PARP12: variants seen among roughly 807,000 people sequenced by gnomAD.
PARP12 encodes protein mono-ADP-ribosyltransferase PARP12.
In PARP12, 59 loss-of-function variants were observed where a neutral mutation model predicts 72.4. That is an observed-to-expected ratio of 0.81 (90% CI 0.66 to 1.01). PARP12 has a LOEUF of 1.01. Among genes scored for constraint, PARP12 ranks in the 50% least tolerant of loss-of-function variants. The probability of loss-of-function intolerance (pLI) is 0.00; values close to 1 mark genes in which losing one functional copy is unlikely to be tolerated. For missense variants in PARP12, 851 were observed against 914.0 expected (o/e 0.93, Z 0.89); for synonymous variants, 403 against 371.4 (o/e 1.09, Z -0.98).
chr7:140,036,415 A>C (rs1412187639), intron 7 of PARP12, among the ~76,000 whole-genome samples: 2 of 152,136 alleles, frequency 1.3e-5, no homozygotes, highest in Non-Finnish European at 2.9e-5. Flanking sequence ...GTGGAAAGCA[A>C]ACCAGACCAC....
intron 8 of PARP12, chr7:140,033,429 C>A: frequency 2.0e-6 from 2 of 985,438 alleles, no homozygotes; most frequent in Non-Finnish European, 2.4e-6. Flanking sequence ...ACAGAAGGTG[C>A]AGCCAGCTAC....
chr7:140,041,661 G>A lies in PARP12; in HGVS notation c.1165C>T (p.Gln389Ter). 1.2e-6 allele frequency: 2 copies of A among 1,613,766 alleles called. No homozygotes were observed. Among genetic ancestry groups the A allele is most frequent in the Non-Finnish European group, 1.7e-6 (2 of 1,179,860 alleles). ...ACACTTACCTGTCTTCCATATTCCT[G>A]CCAAGAACCAAACTCATCACTCCAG... is the stretch of plus-strand genomic sequence containing the variant. ...WYWSDEFGSW[Q>*]EYGRQGTVHP... The change falls in exon 6 of 12, where the codon CAG (glutamine) becomes TAG (stop). Residue 389 changes from glutamine (Q) to a stop codon, truncating the protein, a stop_gained. Transcript: ENST00000263549. LOFTEE classifies it high-confidence loss of function.
chr7:140,051,727 G>C (rs1159455324), intron 4 of PARP12, among the ~76,000 whole-genome samples: 1 of 152,132 alleles, frequency 6.6e-6, no homozygotes, highest in Non-Finnish European at 1.5e-5. Flanking sequence ...AAAGAAGTCA[G>C]AAAGAGCCAA....
In PARP12 at chr7:140,058,072, A is replaced by G. The variant is rs756146263; in HGVS notation, c.327-38T>C. Reference sequence around the variant, plus strand: ...AGAGCTGGTGTTATATGTCGAATTGAGTCTCCTCAAAATTTCTATGTTGGA... The same window carrying G: ...AGAGCTGGTGTTATATGTCGAATTGGGTCTCCTCAAAATTTCTATGTTGGA... On this transcript the variant is annotated intron_variant, in intron 1 of 11. Coordinates refer to ENST00000263549, the MANE Select transcript of PARP12 (RefSeq NM_022750.4). 5.6e-6 allele frequency: 9 copies of G among 1,611,558 alleles called. No homozygotes were observed. In the East Asian group the frequency reaches 1.6e-4, roughly 28 times the overall value.
chr7:140,051,711 A>C (rs1026370514), intron 4 of PARP12, among the ~76,000 whole-genome samples: 1 of 152,178 alleles, frequency 6.6e-6, no homozygotes, highest in African/African-American at 2.4e-5. Flanking sequence ...TAAGATTAGA[A>C]AACAAAAAGA....
intron 7 of PARP12, 152 bp downstream of exon 7, chr7:140,037,563 G>C: frequency 9.7e-7 from 1 of 1,027,146 alleles, no homozygotes; most frequent in South Asian, 1.7e-5. Flanking sequence ...AGTGTCATCT[G>C]TCTCCAGGTC....
At chr7:140,028,330 T>TA (rs1448487491) in intron 9 of PARP12, among the ~76,000 whole-genome samples, 13 of 152,266 alleles carry the variant, frequency 8.5e-5, no homozygotes, top group African/African-American at 2.9e-4. Context: ...GCCCAGCCCA[T>TA]AAACTCATTT....
intron 8 of PARP12, among the ~76,000 whole-genome samples, chr7:140,029,910 C>A (rs1467914183): frequency 6.6e-6 from 1 of 152,094 alleles, no homozygotes; most frequent in African/African-American, 2.4e-5. Flanking sequence ...ACATGGAGAA[C>A]AGTGAGAACT....
chr7:140,026,233 G>C lies in PARP12; in HGVS notation c.1744C>G (p.Arg582Gly). 2 of 1,614,132 alleles carry C rather than the reference G, an allele frequency of 1.2e-6. No individual in the cohort carries two copies. The highest frequency in any genetic ancestry group is 1.7e-6 in the Non-Finnish European group (2 of 1,180,046). The change falls in exon 11 of 12, where the codon CGG becomes GGG. Residue 582 changes from arginine (R) to glycine (G), a missense_variant. Physicochemically the swap from Arg to Gly is moderately radical, Grantham distance 125 (BLOSUM62 -2). Transcript: ENST00000263549. ...GAAGTGCCATGAACACCACAGACCC[G>C]CCAGTCAAAGTTCTGCTGGCAGATG... ...DAICQQNFDWRVCGVHGTSYG... is the reference protein window; with the variant it reads ...DAICQQNFDWGVCGVHGTSYG...
intron 5 of PARP12, among the ~76,000 whole-genome samples, chr7:140,044,972 T>G (rs1446634962): frequency 1.3e-5 from 2 of 152,042 alleles, no homozygotes; most frequent in African/African-American, 2.4e-5. Context: ...ACAATACGAA[T>G]TTCTAACCTC....
intron 3 of PARP12, 105 bp downstream of exon 3, chr7:140,056,751 G>T: frequency 8.1e-7 from 1 of 1,232,648 alleles, no homozygotes; most frequent in Non-Finnish European, 1.1e-6. Context: ...CACCAGACTT[G>T]CCCAAAGTCA....
chr7:140,034,136 C>T (rs1335044089), intron 8 of PARP12, 99 bp downstream of exon 8: 22 of 1,472,488 alleles, frequency 1.5e-5, no homozygotes, highest in East Asian at 2.7e-5. Context: ...TACAAGCCAA[C>T]GGTGCCCGGG....
intron 1 of PARP12, among the ~76,000 whole-genome samples, chr7:140,060,346 G>A (rs1420115642): frequency 2.6e-5 from 4 of 152,182 alleles, no homozygotes. Context: ...CAGCTCTGCA[G>A]CAGGACTGAT....
At chr7:140,052,099 A>T (rs1816987809) in intron 4 of PARP12, among the ~76,000 whole-genome samples, 1 of 152,204 alleles carries the variant, frequency 6.6e-6, no homozygotes, top group African/African-American at 2.4e-5. Context: ...CTCCTGTTAC[A>T]ACTCTTCAGA....
Position 140,057,114 on chromosome 7 carries a change from A to C in PARP12, c.502T>G (p.Ser168Ala), listed in dbSNP as rs775651673. ...HYNKGDGPHG[S>A]CAFQKQCIKL... ...ATGCACTGCTTTTGAAAGGCACAAG[A>C]GCCGTGGGGTCCATCTCCTTTGTTG... Residue 168 changes from serine to alanine, a missense_variant, in exon 3 of 12, where the codon TCT becomes GCT. Ser to Ala is a moderately conservative substitution (Grantham distance 99). Transcript: ENST00000263549. The C allele has an allele frequency of 2.4e-5, 39 of 1,614,044 alleles. No homozygotes were observed. Among genetic ancestry groups the C allele is most frequent in the Non-Finnish European group, 3.2e-5 (38 of 1,180,022 alleles).
intron 1 of PARP12, among the ~76,000 whole-genome samples, chr7:140,061,489 G>C (rs1281096745): frequency 6.6e-6 from 1 of 152,128 alleles, no homozygotes; most frequent in East Asian, 1.9e-4. Flanking sequence ...AAGCAAGAAA[G>C]GAGGGAGCAG....
intron 5 of PARP12, among the ~76,000 whole-genome samples, chr7:140,045,195 A>C (rs1816666665): frequency 6.6e-6 from 1 of 151,998 alleles, no homozygotes; most frequent in African/African-American, 2.4e-5. Flanking sequence ...ATGCTCAGCT[A>C]ATTTTTTTAA....
Position 140,062,599 on chromosome 7 carries a change from C to G in PARP12, c.249G>C (p.Pro83=). The change falls in exon 1 of 12, where the codon CCG becomes CCC. Residue 83 remains proline (P), a synonymous_variant. Transcript: ENST00000263549. ...RLCRAHQGSK[P]GCVGLCAQLH... is the part of the protein sequence containing the mutation. ...GCTGCGCGCAGAGCCCCACGCAGCCCGGCTTGGAGCCCTGGTGCGCGCGAC... is the reference window on the plus strand; with the variant it reads ...GCTGCGCGCAGAGCCCCACGCAGCCGGGCTTGGAGCCCTGGTGCGCGCGAC... The G allele has an allele frequency of 2.6e-6, 4 of 1,522,100 alleles. No homozygotes were observed. The highest frequency in any genetic ancestry group is 2.6e-6 in the Non-Finnish European group (3 of 1,139,162). The allele number at this position is 1,522,100 out of a possible 1,614,324, so 94.3% of individuals were successfully genotyped here. A position where few individuals can be genotyped will look rare whatever the true frequency, so the allele number is the denominator to read the frequency against.
chr7:140,041,274 A>T (rs77350202), intron 6 of PARP12: 2 of 171,280 alleles, frequency 1.2e-5, no homozygotes, highest in African/African-American at 4.8e-5. Flanking sequence ...CTTTACCTCT[A>T]TATCACAGCT....
Sources: gnomAD v4.1 joint callset for allele counts (sites outside exome capture counted in the v4.1 genomes callset) on GRCh38, gnomAD v4.1.1 for gene constraint, MANE v1.5 for transcripts, NCBI Gene and HGNC (gene_info 2026-07-23, HGNC 2026-07-21) for gene names.